DDX46: variants seen among roughly 807,000 people sequenced by gnomAD.
DDX46 encodes the protein DEAD-box helicase 46, also known as probable ATP-dependent RNA helicase DDX46.
Under a neutral mutation model 134.9 loss-of-function variants are expected in DDX46, and 30 were observed. The observed-to-expected ratio is 0.22, with a 90% CI of 0.17 to 0.30. The LOEUF is 0.30. Among genes scored for constraint, DDX46 ranks in the 10% least tolerant of loss-of-function variants. The probability of loss-of-function intolerance (pLI) is 1.00; values close to 1 mark genes in which losing one functional copy is unlikely to be tolerated. For synonymous variants in DDX46, 415 were observed against 404.1 expected, an observed-to-expected ratio of 1.03 and a Z score of -0.32; for missense variants, 622 against 1,248.7, an observed-to-expected ratio of 0.50 and a Z score of 7.56.
chr5:134,767,950 CAAAAAA>C (rs944000653), intron 3 of DDX46, among the ~76,000 whole-genome samples: 1 of 114,904 alleles, frequency 8.7e-6, no homozygotes, highest in African/African-American at 3.3e-5. Context: ...AACTCCTTCT[CAAAAAA>C]AAAAAACAAA....
Position 134,818,922 on chromosome 5 carries a change from C to T in DDX46, c.2895C>T (p.Ala965=), listed in dbSNP as rs138063978. ...AGAGAATCAGTGAATACTCTGAAGC[C>T]GCAATTACAATCAGAGGAACCTACT... ...ALQRISEYSE[A]AITIRGTYFP... Residue 965 remains alanine, a synonymous_variant, in exon 21 of 23, where the codon GCC becomes GCT. Coordinates refer to ENST00000452510, the MANE Select transcript of DDX46 (RefSeq NM_001300860.2). 2.3e-5 allele frequency: 37 copies of T among 1,613,704 alleles called. No homozygotes were observed. The highest frequency in any genetic ancestry group is 2.0e-4 in the African/African-American group (15 of 74,888).
intron 22 of DDX46, among the ~76,000 whole-genome samples, chr5:134,827,828 C>T (rs972550649): frequency 6.6e-6 from 1 of 152,152 alleles, no homozygotes; most frequent in Non-Finnish European, 1.5e-5. Context: ...AACAACACTT[C>T]TGTGAACATT....
At chr5:134,786,423 C>T (rs1317673634) in intron 11 of DDX46, among the ~76,000 whole-genome samples, 3 of 151,824 alleles carry the variant, frequency 2.0e-5, no homozygotes, top group African/African-American at 7.3e-5. Context: ...TTTCATTTTA[C>T]ATATGAGGAA....
At chr5:134,775,952 T>G (rs552763396) in intron 5 of DDX46, among the ~76,000 whole-genome samples, 1 of 152,166 alleles carries the variant, frequency 6.6e-6, no homozygotes, top group Non-Finnish European at 1.5e-5. Context: ...AATATCCATA[T>G]GTAACTTTTT....
intron 5 of DDX46, among the ~76,000 whole-genome samples, chr5:134,777,025 A>C (rs1753962205): frequency 6.6e-6 from 1 of 152,154 alleles, no homozygotes; most frequent in Admixed American, 6.5e-5. Context: ...ATCCTGGCTC[A>C]CATGGTGAAA....
intron 2 of DDX46, 74 bp from the exon 3 acceptor site, chr5:134,766,843 T>G: frequency 6.7e-7 from 1 of 1,492,616 alleles, no homozygotes. Context: ...TCTTTCAATG[T>G]GGGACAGAAT....
At chr5:134,803,151 G>A (rs1477956991) in intron 15 of DDX46, among the ~76,000 whole-genome samples, 3 of 151,986 alleles carry the variant, frequency 2.0e-5, no homozygotes, top group East Asian at 1.9e-4. Flanking sequence ...GTGCCACCAC[G>A]CCCAGCTAAT....
chr5:134,807,115 G>T (rs1049777878), intron 15 of DDX46, among the ~76,000 whole-genome samples: 2 of 146,984 alleles, frequency 1.4e-5, no homozygotes, highest in African/African-American at 2.5e-5. Context: ...GTGCAGTGGC[G>T]CAATCTCGGC....
rs772612981 is a variant in DDX46, at chr5:134,782,031, A to G, written c.990A>G (p.Pro330=). 6.2e-7 allele frequency: 1 copy of G among 1,601,356 alleles called. No homozygotes were observed. Among genetic ancestry groups the G allele is most frequent in the Non-Finnish European group, 8.5e-7 (1 of 1,177,444 alleles). ...PVDHGKIEYE[P]FRKNFYVEVP... ...ATCATGGAAAAATTGAGTATGAGCC[A>G]TTTAGGAAAAACTTCTATGTTGAAG... Residue 330 remains proline (P), a synonymous_variant, in exon 8 of 23, where the codon CCA becomes CCG. Coordinates refer to ENST00000452510, the MANE Select transcript of DDX46 (RefSeq NM_001300860.2).
At position 134,816,511 on chromosome 5, in the gene DDX46, G is replaced by C. The variant is rs1488588928; in HGVS notation, c.2518G>C (p.Ala840Pro). The C allele has an allele frequency of 1.2e-6, 2 of 1,613,918 alleles. No individual in the cohort carries two copies. The highest frequency in any genetic ancestry group is 1.7e-6 in the Non-Finnish European group (2 of 1,179,998). Residue 840 changes from alanine to proline, a missense_variant, in exon 19 of 23, where the codon GCT becomes CCT. By Grantham distance (27) the Ala-to-Pro change is conservative. This residue lies in a region of DDX46 where 18 missense variants were observed against 17.0 expected (regional missense o/e 1.06). Transcript: ENST00000452510. ...MAAPGTSSVPAPTAGNAEKLE... is the reference protein window; with the variant it reads ...MAAPGTSSVPPPTAGNAEKLE... ...TGCTCCTGGAACATCAAGTGTTCCT[G>C]CTCCAACTGCAGGAAATGCTGAGAA...
At chr5:134,818,782 G>T in intron 20 of DDX46, 78 bp from the exon 21 acceptor site, 2 of 1,286,378 alleles carry the variant, frequency 1.6e-6, no homozygotes, top group South Asian at 1.4e-5. Context: ...ATATCAGCCA[G>T]CCTAGTCTTT....
chr5:134,812,434 A>G (rs1755172456), intron 18 of DDX46, among the ~76,000 whole-genome samples: 1 of 152,124 alleles, frequency 6.6e-6, no homozygotes, highest in African/African-American at 2.4e-5. Flanking sequence ...AACATACCTG[A>G]TCTCAGAACA....
At chr5:134,822,758 G>A (rs1294839324) in intron 21 of DDX46, among the ~76,000 whole-genome samples, 1 of 151,910 alleles carries the variant, frequency 6.6e-6, no homozygotes, top group Non-Finnish European at 1.5e-5. Context: ...TGTATTTTTT[G>A]TAGAGATGGG....
At chr5:134,801,240 A>G (rs1273609555) in intron 15 of DDX46, among the ~76,000 whole-genome samples, 1 of 151,694 alleles carries the variant, frequency 6.6e-6, no homozygotes, top group Non-Finnish European at 1.5e-5. Context: ...ATGCCACTGT[A>G]CTCCCACCTT....
At chr5:134,808,753 A>T (rs1755060176) in intron 16 of DDX46, among the ~76,000 whole-genome samples, 1 of 152,162 alleles carries the variant, frequency 6.6e-6, no homozygotes. Flanking sequence ...GGTCTAACTC[A>T]TTCCTTCTAG....
chr5:134,763,832 A>C (rs1753471771), intron 1 of DDX46, 72 bp from the exon 2 acceptor site: 2 of 1,453,886 alleles, frequency 1.4e-6, no homozygotes, highest in Non-Finnish European at 1.8e-6. Flanking sequence ...AATTATTTTT[A>C]GAAAAAATGT....
At chr5:134,802,257 C>T (rs983520179) in intron 15 of DDX46, among the ~76,000 whole-genome samples, 3 of 150,564 alleles carry the variant, frequency 2.0e-5, no homozygotes, top group African/African-American at 7.4e-5. Flanking sequence ...CTCCGCCTCC[C>T]AGGTTCAAGT....
At chr5:134,823,157 CTTTTTTTTTTTT>C (rs201053941) in intron 21 of DDX46, among the ~76,000 whole-genome samples, 1 of 111,220 alleles carries the variant, frequency 9.0e-6, no homozygotes, top group Non-Finnish European at 1.8e-5. Context: ...TTAATTTCAT[CTTTTTTTTTTTT>C]TTTTTTTTTT....
At chr5:134,818,617 G>A (rs1030668944) in intron 20 of DDX46, among the ~76,000 whole-genome samples, 8 of 151,452 alleles carry the variant, frequency 5.3e-5, no homozygotes, top group Admixed American at 1.3e-4. Flanking sequence ...GAGGAGAATC[G>A]CTTGAACCTG....
Sources: allele counts gnomAD v4.1 joint callset (sites outside exome capture counted in the v4.1 genomes callset), GRCh38; gene constraint gnomAD v4.1.1; regional missense constraint gnomAD v4.1.1; transcripts MANE v1.5; gene names NCBI Gene and HGNC (gene_info 2026-07-23, HGNC 2026-07-21).